Variants in SYNPR observed in about 807,000 individuals in gnomAD.
SYNPR encodes synaptoporin.
Under a neutral mutation model 32.9 loss-of-function variants are expected in SYNPR, and 23 were observed. That is an observed-to-expected ratio of 0.70 (90% CI 0.50 to 0.99). SYNPR has a LOEUF of 0.99. Among genes scored for constraint, SYNPR ranks in the 50% least tolerant of loss-of-function variants. The pLI is 0.00. For synonymous variants in SYNPR, 146 were observed against 135.9 expected (o/e 1.07, Z -0.52); for missense variants, 318 against 349.3 (o/e 0.91, Z 0.71).
chr3:63,355,032 A>C (rs2087557823), intron 2 of SYNPR, among the ~76,000 whole-genome samples: 1 of 152,196 alleles, frequency 6.6e-6, no homozygotes, highest in South Asian at 2.1e-4. Context: ...TAATCCCAGC[A>C]CTTTGGGAGG....
At chr3:63,575,778 C>G (rs1437318313) in intron 4 of SYNPR, among the ~76,000 whole-genome samples, 1 of 152,154 alleles carries the variant, frequency 6.6e-6, no homozygotes, top group East Asian at 1.9e-4. Flanking sequence ...CAAGTGGAAA[C>G]TTGCGAAAGG....
intron 2 of SYNPR, among the ~76,000 whole-genome samples, chr3:63,256,616 A>G (rs535026565): frequency 2.0e-5 from 3 of 152,330 alleles, no homozygotes; most frequent in Admixed American, 6.5e-5. Context: ...ACAAAGATGG[A>G]GAAAAAACAG....
chr3:63,232,363 G>T (rs551412990), intron 1 of SYNPR, among the ~76,000 whole-genome samples: 2 of 151,654 alleles, frequency 1.3e-5, no homozygotes, highest in African/African-American at 2.4e-5. Context: ...CACCAGGCCC[G>T]GTGAATTTTT....
At chr3:63,296,778 T>C (rs995967072) in intron 2 of SYNPR, among the ~76,000 whole-genome samples, 1 of 152,162 alleles carries the variant, frequency 6.6e-6, no homozygotes, top group African/African-American at 2.4e-5. Context: ...AAGTACAGTT[T>C]AGTTGTTTAT....
At chr3:63,511,884 T>C (rs1701705498) in intron 3 of SYNPR, among the ~76,000 whole-genome samples, 1 of 152,150 alleles carries the variant, frequency 6.6e-6, no homozygotes, top group African/African-American at 2.4e-5. Context: ...TTTTAAAGAT[T>C]ATAAAAGTAA....
intron 2 of SYNPR, among the ~76,000 whole-genome samples, chr3:63,386,396 G>A (rs141060547): frequency 1.3e-5 from 2 of 152,140 alleles, no homozygotes; most frequent in East Asian, 1.9e-4. Flanking sequence ...AGAAGGCATG[G>A]GCAGTGCCAA....
At chr3:63,398,042 T>C (rs935499240) in intron 2 of SYNPR, among the ~76,000 whole-genome samples, 1 of 152,082 alleles carries the variant, frequency 6.6e-6, no homozygotes, top group Admixed American at 6.6e-5. Flanking sequence ...TGTAGGGTGG[T>C]GTGGTGAAGA....
intron 4 of SYNPR, among the ~76,000 whole-genome samples, chr3:63,602,622 C>T (rs897409776): frequency 1.3e-5 from 2 of 151,992 alleles, no homozygotes. Flanking sequence ...TCATTCCTTG[C>T]TTTTCACAAT....
chr3:63,476,631 A>G (rs1329060355), intron 2 of SYNPR, among the ~76,000 whole-genome samples: 1 of 152,034 alleles, frequency 6.6e-6, no homozygotes, highest in Non-Finnish European at 1.5e-5. Context: ...CCAACCATAG[A>G]GCTAATTAGA....
At chr3:63,388,648 C>T (rs2088089828) in intron 2 of SYNPR, among the ~76,000 whole-genome samples, 1 of 150,520 alleles carries the variant, frequency 6.6e-6, no homozygotes, top group Non-Finnish European at 1.5e-5. Flanking sequence ...TCTTGATCTT[C>T]TGACTTCATG....
rs143834043 is a variant in SYNPR, at chr3:63,415,617, C to G, written c.85-65215C>G. ...CATAGACAATATGTAACCAAATCAA[C>G]GCGGCTGTTTTCCAATAAAAATTCA... is the stretch of plus-strand genomic sequence containing the variant. On this transcript the variant is annotated intron_variant, in intron 2 of 5. Coordinates refer to ENST00000478300, the MANE Select transcript of SYNPR (RefSeq NM_001130003.2). Among the ~76,000 whole-genome samples, 3 of 152,282 alleles carry G rather than the reference C, an allele frequency of 2.0e-5. 1 individual carries two copies. The South Asian group carries it at 6.2e-4, about 32-fold the overall frequency.
chr3:63,599,921 A>G (rs1027278512), intron 4 of SYNPR, among the ~76,000 whole-genome samples: 1 of 152,222 alleles, frequency 6.6e-6, no homozygotes, highest in African/African-American at 2.4e-5. Context: ...AATATTAAGC[A>G]ATAACACAGG....
the SYNPR span, among the ~76,000 whole-genome samples, chr3:63,222,010 A>AATTTTTTTTTTTTTTTTTTT: frequency 2.2e-5 from 1 of 46,100 alleles, no homozygotes; most frequent in Non-Finnish European, 5.0e-5. Context: ...GGCCATGCTC[A>AATTTTTTTTTTTTTTTTTTT]ATTTTTTTTT....
intron 4 of SYNPR, among the ~76,000 whole-genome samples, chr3:63,598,547 C>A (rs530313669): frequency 1.7e-4 from 26 of 152,116 alleles, no homozygotes; most frequent in African/African-American, 6.3e-4. Flanking sequence ...CTTTGGGTAC[C>A]GATTGAGATG....
chr3:63,513,715 G>A (rs747597521), intron 3 of SYNPR, among the ~76,000 whole-genome samples: 8 of 152,052 alleles, frequency 5.3e-5, no homozygotes, highest in Admixed American at 1.3e-4. Context: ...AGTGATCACA[G>A]CATCAAAGAA....
At chr3:63,514,759 C>T (rs9877681) in intron 3 of SYNPR, among the ~76,000 whole-genome samples, 20,494 of 152,078 alleles carry the variant, frequency 0.13, 1,666 homozygotes, top group East Asian at 0.3. Flanking sequence ...TTAGCTTTTT[C>T]TCCAAGCTCT....
At chr3:63,494,419 G>GTA (rs376392666) in intron 3 of SYNPR, among the ~76,000 whole-genome samples, 62 of 91,230 alleles carry the variant, frequency 6.8e-4, no homozygotes, top group East Asian at 4.2e-3. Context: ...ATATATATAC[G>GTA]TATATATATA....
intron 2 of SYNPR, among the ~76,000 whole-genome samples, chr3:63,443,996 A>G (rs1156841375): frequency 6.6e-6 from 1 of 152,218 alleles, no homozygotes; most frequent in Non-Finnish European, 1.5e-5. Flanking sequence ...GATTGGATGC[A>G]TGCACCTTTA....
chr3:63,536,663 T>C (rs35562917), intron 3 of SYNPR, among the ~76,000 whole-genome samples: 33,678 of 151,978 alleles, frequency 0.22, 3,803 homozygotes, highest in East Asian at 0.32. Flanking sequence ...CACACAAAAA[T>C]CTGTACGTGA....
Sources: gnomAD v4.1 joint callset for allele counts (sites outside exome capture counted in the v4.1 genomes callset) on GRCh38, gnomAD v4.1.1 for gene constraint, MANE v1.5 for transcripts, NCBI Gene and HGNC (gene_info 2026-07-23, HGNC 2026-07-21) for gene names.